The following COL24A1 variants were observed in gnomAD, a reference collection of about 807,000 sequenced individuals.
The protein encoded by COL24A1 is collagen type XXIV alpha 1 chain.
In COL24A1, 224 loss-of-function variants were observed where a neutral mutation model predicts 253.9. The ratio of observed to expected loss-of-function variants is 0.88; its 90% confidence interval spans 0.79 to 0.99. The LOEUF (loss-of-function observed/expected upper bound fraction) is 0.99, where lower values mean the gene tolerates loss of function less well. Among genes scored for constraint, COL24A1 ranks in the 50% least tolerant of loss-of-function variants. COL24A1 has a pLI of 0.00. For synonymous variants in COL24A1, 685 were observed against 673.7 expected, an observed-to-expected ratio of 1.02 and a Z score of -0.26; for missense variants, 2,131 against 2,068.5, an observed-to-expected ratio of 1.03 and a Z score of -0.59.
rs1444844409 is a variant in COL24A1, at chr1:86,125,902, T to C, written c.434A>G (p.His145Arg). The C allele has an allele frequency of 8.1e-6, 13 of 1,613,188 alleles. No homozygotes were observed. The highest frequency in any genetic ancestry group is 3.3e-5 in the Admixed American group (2 of 59,796). The change falls in exon 3 of 60, where the codon CAC (histidine) becomes CGC (arginine). Residue 145 changes from histidine to arginine, a missense_variant. Transcript: ENST00000370571. ...AACTGCAGGCTGCTTTCCTCTAATG[T>C]GTACTACTAATTTTTTAGGTAGTAA... Reference protein sequence around the residue: ...VQLLPKKLVVHIRGKQPAVFN... With the variant: ...VQLLPKKLVVRIRGKQPAVFN...
intron 26 of COL24A1, among the ~76,000 whole-genome samples, chr1:85,909,202 C>T (rs1204078301): frequency 6.6e-6 from 1 of 151,652 alleles, no homozygotes; most frequent in Non-Finnish European, 1.5e-5. Context: ...TGCTAAATTT[C>T]CTAGCTGACA....
intron 18 of COL24A1, among the ~76,000 whole-genome samples, chr1:86,021,734 A>G (rs1295541915): frequency 6.6e-6 from 1 of 151,936 alleles, no homozygotes; most frequent in Non-Finnish European, 1.5e-5. Flanking sequence ...TTTTAGATTT[A>G]TAATTTTTTG....
intron 53 of COL24A1, among the ~76,000 whole-genome samples, chr1:85,764,541 C>CT (rs1439529375): frequency 6.6e-6 from 1 of 151,298 alleles, no homozygotes; most frequent in East Asian, 1.9e-4. Context: ...CCCTCTTTTT[C>CT]TGAAAGGCAC....
At chr1:85,978,051 C>T (rs1430328766) in intron 20 of COL24A1, among the ~76,000 whole-genome samples, 1 of 152,080 alleles carries the variant, frequency 6.6e-6, no homozygotes. Context: ...CCCTACAAGC[C>T]AGAAGGGATT....
chr1:85,917,445 A>G (rs1255075186), intron 24 of COL24A1, among the ~76,000 whole-genome samples: 1 of 151,926 alleles, frequency 6.6e-6, no homozygotes, highest in Non-Finnish European at 1.5e-5. Flanking sequence ...CCTTTGCTCA[A>G]CTTATTTTTT....
At chr1:85,921,120 C>T (rs1686418401) in intron 24 of COL24A1, among the ~76,000 whole-genome samples, 1 of 152,130 alleles carries the variant, frequency 6.6e-6, no homozygotes, top group Admixed American at 6.5e-5. Context: ...TGAACCAAAT[C>T]AGGGTGGGGC....
chr1:85,909,514 A>T (rs1456805924), intron 26 of COL24A1, among the ~76,000 whole-genome samples: 2 of 151,882 alleles, frequency 1.3e-5, no homozygotes, highest in Non-Finnish European at 2.9e-5. Context: ...CTAAGCTCTC[A>T]TATGTCAAAA....
intron 43 of COL24A1, among the ~76,000 whole-genome samples, chr1:85,836,006 C>T (rs1675960758): frequency 6.6e-6 from 1 of 152,150 alleles, no homozygotes; most frequent in African/African-American, 2.4e-5. Context: ...AAGGAGCATC[C>T]TCATCTCCAA....
rs552835363 is a variant in COL24A1 at position 85,831,124 on chromosome 1, C to G, written c.3682-7386G>C. Among the ~76,000 whole-genome samples the G allele has an allele frequency of 1.3e-4, 20 of 152,162 alleles. 1 individual carries two copies. Among genetic ancestry groups the G allele is most frequent in the Admixed American group, 1.3e-3 (20 of 15,234 alleles). The stretch of plus-strand genomic sequence containing the variant: ...AGAGCTTCTATATAGCCCATGACCA[C>G]ACTAACGGAAAAACCATGATCACAC... On this transcript the variant is annotated intron_variant, in intron 43 of 59. Coordinates refer to ENST00000370571, the MANE Select transcript of COL24A1 (RefSeq NM_152890.7).
chr1:85,869,516 A>G (rs893706814), intron 35 of COL24A1, among the ~76,000 whole-genome samples: 1 of 152,238 alleles, frequency 6.6e-6, no homozygotes, highest in Non-Finnish European at 1.5e-5. Flanking sequence ...AAACTCTAGA[A>G]GCCAGAAGAG....
chr1:86,073,575 A>G (rs1260775500), intron 7 of COL24A1, among the ~76,000 whole-genome samples: 1 of 152,216 alleles, frequency 6.6e-6, no homozygotes, highest in African/African-American at 2.4e-5. Flanking sequence ...AACTTCCCCA[A>G]CCTAGCAAGA....
chr1:85,776,011 A>G (rs1171770823), intron 52 of COL24A1, among the ~76,000 whole-genome samples: 1 of 152,204 alleles, frequency 6.6e-6, no homozygotes, highest in Non-Finnish European at 1.5e-5. Context: ...AATCATATAC[A>G]AAGCAATTTA....
intron 3 of COL24A1, among the ~76,000 whole-genome samples, chr1:86,117,782 C>A (rs1025357896): frequency 1.3e-5 from 2 of 152,116 alleles, no homozygotes; most frequent in Non-Finnish European, 2.9e-5. Context: ...GGCACTTTAA[C>A]TTTCAGATTA....
intron 40 of COL24A1, 26 bp downstream of exon 40, chr1:85,842,314 A>G (rs754585986): frequency 6.6e-7 from 1 of 1,515,986 alleles, no homozygotes; most frequent in Admixed American, 2.0e-5. Flanking sequence ...TCATGTGAAT[A>G]TATTTTTTCA....
intron 12 of COL24A1, among the ~76,000 whole-genome samples, chr1:86,045,512 A>C (rs1193638159): frequency 6.6e-6 from 1 of 152,176 alleles, no homozygotes; most frequent in Non-Finnish European, 1.5e-5. Flanking sequence ...ATACCCAATA[A>C]ATAGAAAGGT....
chr1:85,842,483 C>A, intron 39 of COL24A1, 90 bp from the exon 40 acceptor site: 2 of 900,448 alleles, frequency 2.2e-6, no homozygotes, highest in Non-Finnish European at 1.7e-6. Context: ...AAATTGTTAC[C>A]TTTAGATTTT....
intron 28 of COL24A1, 50 bp from the exon 29 acceptor site, chr1:85,896,459 T>A (rs777219944): frequency 1.1e-5 from 16 of 1,495,242 alleles, no homozygotes; most frequent in African/African-American, 1.4e-5. Context: ...TTCCTTTTTT[T>A]TTCTTAACAG....
At chr1:85,894,857 G>T (rs567910333) in intron 31 of COL24A1, among the ~76,000 whole-genome samples, 1 of 152,022 alleles carries the variant, frequency 6.6e-6, no homozygotes, top group African/African-American at 2.4e-5. Flanking sequence ...AGCGGGCAGG[G>T]GGCAGCAGAT....
chr1:86,121,379 T>A (rs1249542784), intron 3 of COL24A1, among the ~76,000 whole-genome samples: 15 of 151,972 alleles, frequency 9.9e-5, no homozygotes, highest in Admixed American at 9.8e-4. Context: ...TAGCACATAA[T>A]AAAGAGAATA....
Sources: allele counts gnomAD v4.1 joint callset (sites outside exome capture counted in the v4.1 genomes callset), GRCh38; gene constraint gnomAD v4.1.1; transcripts MANE v1.5; gene names NCBI Gene and HGNC (gene_info 2026-07-23, HGNC 2026-07-21).